Variants in CNTNAP2 observed in about 807,000 individuals in gnomAD.
CNTNAP2 encodes the protein contactin associated protein 2.
In CNTNAP2, 98 loss-of-function variants were observed where a neutral mutation model predicts 155.2. That is an observed-to-expected ratio of 0.63 (90% CI 0.54 to 0.75). The LOEUF (loss-of-function observed/expected upper bound fraction) is 0.75, where lower values mean the gene tolerates loss of function less well. CNTNAP2 is among the 30% of genes least tolerant of loss of function. The pLI is 0.00. For synonymous variants in CNTNAP2, 651 were observed against 631.2 expected (o/e 1.03, Z -0.47); for missense variants, 1,727 against 1,688.1 (o/e 1.02, Z -0.40).
intron 4 of CNTNAP2, among the ~76,000 whole-genome samples, chr7:147,056,456 C>T (rs993465255): frequency 6.6e-6 from 1 of 152,114 alleles, no homozygotes; most frequent in African/African-American, 2.4e-5. Flanking sequence ...CAGGGTTTTG[C>T]TATGTTCCAA....
intron 8 of CNTNAP2, chr7:147,146,848 C>A (rs1355363616): frequency 6.6e-6 from 1 of 152,128 alleles, no homozygotes; most frequent in Non-Finnish European, 1.5e-5. Context: ...TAGTGTTTTG[C>A]AATTCTGTCA....
chr7:146,863,308 C>G (rs760466501), intron 3 of CNTNAP2, among the ~76,000 whole-genome samples: 2 of 152,010 alleles, frequency 1.3e-5, no homozygotes, highest in African/African-American at 2.4e-5. Flanking sequence ...ATAGTATTAA[C>G]TAATTGTTTG....
intron 1 of CNTNAP2, among the ~76,000 whole-genome samples, chr7:146,310,402 T>A (rs1800798721): frequency 2.0e-5 from 3 of 152,210 alleles, no homozygotes; most frequent in Admixed American, 2.0e-4. Flanking sequence ...CCTCAGTTGT[T>A]TTTAAAAGCC....
intron 14 of CNTNAP2, among the ~76,000 whole-genome samples, chr7:147,969,180 G>T (rs752246849): frequency 4.8e-5 from 7 of 147,328 alleles, no homozygotes; most frequent in African/African-American, 1.9e-4. Flanking sequence ...CTCTTGAGTA[G>T]CTGGGACGAC....
At chr7:147,744,418 C>A (rs1252220215) in intron 13 of CNTNAP2, among the ~76,000 whole-genome samples, 1 of 152,160 alleles carries the variant, frequency 6.6e-6, no homozygotes, top group African/African-American at 2.4e-5. Flanking sequence ...AGAAATAGTA[C>A]CATTATTCAA....
At chr7:146,782,903 C>T (rs1802515076) in intron 2 of CNTNAP2, among the ~76,000 whole-genome samples, 1 of 152,116 alleles carries the variant, frequency 6.6e-6, no homozygotes, top group Non-Finnish European at 1.5e-5. Context: ...AAAGACGATG[C>T]CTCCTTAAAA....
At chr7:147,663,257 A>T (rs187677137) in intron 13 of CNTNAP2, among the ~76,000 whole-genome samples, 1 of 152,220 alleles carries the variant, frequency 6.6e-6, no homozygotes. Flanking sequence ...TGGCCTCCCA[A>T]CGTGCTGGGA....
intron 1 of CNTNAP2, among the ~76,000 whole-genome samples, chr7:146,380,774 TATGCACGTTC>T (rs1475157922): frequency 6.7e-6 from 1 of 148,266 alleles, no homozygotes; most frequent in African/African-American, 2.5e-5. Context: ...TCTTGCTTCT[TATGCACGTTC>T]TTTTTTTTTT....
chr7:146,326,330 T>G (rs1201617983), intron 1 of CNTNAP2, among the ~76,000 whole-genome samples: 1 of 152,226 alleles, frequency 6.6e-6, no homozygotes, highest in African/African-American at 2.4e-5. Context: ...GTTTGTTTTC[T>G]CAAAGTCTTC....
At chr7:147,854,005 A>G (rs893791819) in intron 13 of CNTNAP2, among the ~76,000 whole-genome samples, 16 of 152,222 alleles carry the variant, frequency 1.1e-4, no homozygotes, top group African/African-American at 3.6e-4. Flanking sequence ...TTCAGAGAGA[A>G]CAATTCAAGC....
chr7:147,687,059 T>C (rs1796026107), intron 13 of CNTNAP2, among the ~76,000 whole-genome samples: 1 of 152,056 alleles, frequency 6.6e-6, no homozygotes, highest in South Asian at 2.1e-4. Flanking sequence ...TTTAAGGCAA[T>C]GGATATTCTG....
At chr7:148,072,998 G>T (rs10256831) in intron 15 of CNTNAP2, among the ~76,000 whole-genome samples, 5,221 of 152,176 alleles carry the variant, frequency 0.034, 295 homozygotes, top group East Asian at 0.28. Context: ...GTGAGCCACC[G>T]TGCCTGGCCT....
intron 1 of CNTNAP2, among the ~76,000 whole-genome samples, chr7:146,246,288 C>T (rs1471826273): frequency 2.7e-5 from 4 of 150,394 alleles, no homozygotes; most frequent in Non-Finnish European, 5.9e-5. Context: ...GGAAGAAGGG[C>T]AGCAATGAGA....
intron 8 of CNTNAP2, among the ~76,000 whole-genome samples, chr7:147,165,058 T>C (rs181328158): frequency 1.3e-5 from 2 of 152,338 alleles, no homozygotes; most frequent in African/African-American, 2.4e-5. Flanking sequence ...TACATATTAT[T>C]TGAAAGCTTG....
At chr7:148,330,000 A>G (rs1229277569) in intron 21 of CNTNAP2, among the ~76,000 whole-genome samples, 1 of 152,334 alleles carries the variant, frequency 6.6e-6, no homozygotes, top group Admixed American at 6.5e-5. Context: ...TGCCTGCCCC[A>G]CAAAGCTATC....
chr7:147,456,494 C>T (rs1331694899), intron 10 of CNTNAP2, among the ~76,000 whole-genome samples: 2 of 152,050 alleles, frequency 1.3e-5, no homozygotes, highest in Non-Finnish European at 2.9e-5. Context: ...AACCTTAATT[C>T]CAAATAATAG....
At chr7:147,487,733 G>A (rs140171533) in intron 11 of CNTNAP2, among the ~76,000 whole-genome samples, 165 of 152,150 alleles carry the variant, frequency 1.1e-3, no homozygotes, top group African/African-American at 3.7e-3. Flanking sequence ...TATGCTACTG[G>A]TTGAGTAGCT....
intron 1 of CNTNAP2, among the ~76,000 whole-genome samples, chr7:146,475,011 G>A (rs554174874): frequency 0.011 from 1,495 of 134,756 alleles, 10 homozygotes; most frequent in Middle Eastern, 0.062. Flanking sequence ...GCGCGCGCGC[G>A]CGCACACACA....
chr7:146,519,993 A>G (rs1340248137), intron 1 of CNTNAP2, among the ~76,000 whole-genome samples: 2 of 151,834 alleles, frequency 1.3e-5, no homozygotes, highest in Admixed American at 6.6e-5. Flanking sequence ...TACAGAATGA[A>G]TGAATAAAGT....
Sources: allele counts gnomAD v4.1 joint callset (sites outside exome capture counted in the v4.1 genomes callset), GRCh38; gene constraint gnomAD v4.1.1; transcripts MANE v1.5; gene names NCBI Gene and HGNC (gene_info 2026-07-23, HGNC 2026-07-21).